Variants in EXOC5 observed in about 807,000 individuals in gnomAD.
EXOC5 encodes exocyst complex component 5, also known as SEC10-like 1.
EXOC5 carries 17 observed loss-of-function variants against 90.8 expected under a neutral mutation model. The ratio of observed to expected loss-of-function variants is 0.19; its 90% CI spans 0.13 to 0.28. The LOEUF (loss-of-function observed/expected upper bound fraction) is 0.28, where lower values mean the gene tolerates loss of function less well. EXOC5 is among the 10% of genes least tolerant of loss of function. The probability of loss-of-function intolerance (pLI) is 1.00; values close to 1 mark genes in which losing one functional copy is unlikely to be tolerated. For missense variants in EXOC5, 569 were observed against 830.6 expected (o/e 0.69, Z 3.87); for synonymous variants, 260 against 270.0 (o/e 0.96, Z 0.36).
At chr14:57,234,169 T>C in intron 7 of EXOC5, 137 bp from the exon 8 acceptor site, 1 of 611,424 alleles carries the variant, frequency 1.6e-6, no homozygotes, top group Non-Finnish European at 2.9e-6. Context: ...TGGACTTAAA[T>C]AAAATTAACT....
chr14:57,238,410 ATATT>A lies in EXOC5; in HGVS notation c.531-1048_531-1045del, dbSNP rs141275588. Among the ~76,000 whole-genome samples, 1,046 of 145,926 alleles carry A rather than the reference ATATT, an allele frequency of 7.2e-3. 14 individuals are homozygous for A. Among genetic ancestry groups the A allele is most frequent in the African/African-American group, 0.025 (999 of 39,274 alleles). On this transcript the variant is annotated intron_variant, in intron 5 of 17. Coordinates refer to ENST00000621441, the MANE Select transcript of EXOC5 (RefSeq NM_006544.4). Reference sequence around the variant, plus strand: ...CACACACACACACACACACACACACATATTCATATTCATATATATATGTATATAT... The same window carrying A: ...CACACACACACACACACACACACACACATATTCATATATATATGTATATAT...
intron 6 of EXOC5, among the ~76,000 whole-genome samples, chr14:57,236,587 T>C (rs1042253446): frequency 6.6e-6 from 1 of 152,114 alleles, no homozygotes; most frequent in East Asian, 1.9e-4. Context: ...TGTCCGGCCC[T>C]ATTCACTATA....
chr14:57,268,721 C>A lies in EXOC5; in HGVS notation c.-73G>T, dbSNP rs2139680055. 4 of 1,531,412 alleles carry A rather than the reference C, an allele frequency of 2.6e-6. No homozygotes were observed. The highest frequency in any genetic ancestry group is 1.4e-5 in the African/African-American group (1 of 72,358). 94.9% of individuals were successfully genotyped at this position (1,531,412 alleles called of 1,614,324 possible). ...CACATGCTGCGCCTCAGAGGCGCGG[C>A]GCACAGGTCTCCGCTCGGCTCGCCA... is the stretch of plus-strand genomic sequence containing the variant. On this transcript the variant is annotated 5_prime_UTR_variant, in exon 1 of 18. Coordinates refer to ENST00000621441, the MANE Select transcript of EXOC5 (RefSeq NM_006544.4).
chr14:57,239,832 T>C (rs148278475), intron 4 of EXOC5, among the ~76,000 whole-genome samples, 173 bp from the exon 5 acceptor site: 146 of 152,262 alleles, frequency 9.6e-4, no homozygotes, highest in African/African-American at 3.3e-3. Flanking sequence ...AAGAATACAT[T>C]TGGGGTGTTA....
intron 1 of EXOC5, 91 bp downstream of exon 1, chr14:57,268,531 G>C (rs1396217209): frequency 1.3e-6 from 2 of 1,539,680 alleles, no homozygotes; most frequent in African/African-American, 2.8e-5. Context: ...GCTCCTCCTG[G>C]GCAGCCAGCA....
intron 17 of EXOC5, among the ~76,000 whole-genome samples, chr14:57,209,268 T>G (rs1408295388): frequency 6.6e-6 from 1 of 152,010 alleles, no homozygotes; most frequent in Admixed American, 6.6e-5. Flanking sequence ...GGCTCATTCC[T>G]GTAAACCCAG....
At chr14:57,232,870 C>CA in intron 9 of EXOC5, 121 bp from the exon 10 acceptor site, 1 of 526,092 alleles carries the variant, frequency 1.9e-6, no homozygotes, top group East Asian at 3.2e-5. Context: ...ACAATCCAAT[C>CA]AAAAAGGCAA....
At chr14:57,212,034 AT>A (rs1299443030) in intron 15 of EXOC5, among the ~76,000 whole-genome samples, 1 of 152,054 alleles carries the variant, frequency 6.6e-6, no homozygotes, top group East Asian at 1.9e-4. Flanking sequence ...TAATTCTTAA[AT>A]TTTTTGTGTG....
At chr14:57,230,242 T>C (rs1047306698) in intron 11 of EXOC5, among the ~76,000 whole-genome samples, 10 of 152,180 alleles carry the variant, frequency 6.6e-5, no homozygotes, top group African/African-American at 2.4e-4. Context: ...TTTAAAAGTT[T>C]AACAATTTTA....
chr14:57,212,241 A>C (rs1462175859), intron 15 of EXOC5, among the ~76,000 whole-genome samples: 2 of 152,206 alleles, frequency 1.3e-5, no homozygotes, highest in Non-Finnish European at 2.9e-5. Context: ...TCACATTGGG[A>C]AAGAGTATGA....
rs559445597 is a variant in EXOC5, at chr14:57,254,606, AT to A, written c.28-6895del. Among the ~76,000 whole-genome samples, 221 of 152,310 alleles carry A rather than the reference AT, an allele frequency of 1.5e-3. 1 individual carries two copies. Among genetic ancestry groups the A allele is most frequent in the Non-Finnish European group, 3.4e-4 (23 of 68,014 alleles). Reference sequence around the variant, plus strand: ...TCTGGAGTAGAGAGGCATATGGACTATACAATGAAAGAACTGTCCTCCCAAA... The same window carrying A: ...TCTGGAGTAGAGAGGCATATGGACTAACAATGAAAGAACTGTCCTCCCAAA... On this transcript the variant is annotated intron_variant, in intron 1 of 17. Transcript: ENST00000621441.
chr14:57,246,684 A>G (rs1181620498), intron 3 of EXOC5, 27 bp downstream of exon 3: 12 of 1,588,180 alleles, frequency 7.6e-6, no homozygotes, highest in Non-Finnish European at 1.0e-5. Context: ...CCTATATAAA[A>G]TACCCATTTC....
At chr14:57,230,624 G>A (rs1413933021) in intron 11 of EXOC5, among the ~76,000 whole-genome samples, 1 of 152,256 alleles carries the variant, frequency 6.6e-6, no homozygotes, top group Non-Finnish European at 1.5e-5. Context: ...TGGACTTTGA[G>A]TCCACCAATG....
chr14:57,265,268 GAAT>G (rs1217061312), intron 1 of EXOC5, among the ~76,000 whole-genome samples: 2 of 151,840 alleles, frequency 1.3e-5, no homozygotes, highest in African/African-American at 4.8e-5. Flanking sequence ...TAGAATGAAT[GAAT>G]AATTAACCCT....
chr14:57,237,674 T>G, intron 5 of EXOC5: 1 of 239,028 alleles, frequency 4.2e-6, no homozygotes, highest in East Asian at 1.0e-4. Flanking sequence ...AAGAATCAAC[T>G]GCTCTGCATA....
intron 1 of EXOC5, among the ~76,000 whole-genome samples, chr14:57,251,077 C>T (rs1352633690): frequency 6.6e-6 from 1 of 152,186 alleles, no homozygotes; most frequent in Admixed American, 6.5e-5. Flanking sequence ...CAGAATCTTT[C>T]TATTTTGGAA....
In EXOC5 at chr14:57,218,044, G is replaced by A. The variant is rs371501342; in HGVS notation, c.1551C>T (p.Cys517=). The A allele has an allele frequency of 7.2e-6, 11 of 1,525,354 alleles. No individual in the cohort carries two copies. Among genetic ancestry groups the A allele is most frequent in the Non-Finnish European group, 8.2e-6 (9 of 1,101,426 alleles). 94.5% of individuals were successfully genotyped at this position (1,525,354 alleles called of 1,614,324 possible). Residue 517 remains cysteine, a synonymous_variant, in exon 15 of 18, where the codon TGC becomes TGT. Transcript: ENST00000621441. Reference sequence around the variant, plus strand: ...CAATTATTTCTTTTTTCTTCTGAAGGCATTCAGATAACTTAGGAGAAGAGC... The same window carrying A: ...CAATTATTTCTTTTTTCTTCTGAAGACATTCAGATAACTTAGGAGAAGAGC... ...LISSSPKLSE[C]LQKKKEIIEQ...
chr14:57,246,060 G>C (rs888958018), intron 3 of EXOC5, among the ~76,000 whole-genome samples: 1 of 151,592 alleles, frequency 6.6e-6, no homozygotes, highest in African/African-American at 2.4e-5. Flanking sequence ...AAAAAAAAAA[G>C]GGGGGAATCA....
chr14:57,213,947 G>GCAAC (rs1276772767), intron 15 of EXOC5, among the ~76,000 whole-genome samples: 2 of 129,606 alleles, frequency 1.5e-5, no homozygotes, highest in African/African-American at 1.0e-4. Flanking sequence ...TCCAGCCTGG[G>GCAAC]AGACAGTGAG....
Sources: allele counts gnomAD v4.1 joint callset (sites outside exome capture counted in the v4.1 genomes callset), GRCh38; gene constraint gnomAD v4.1.1; transcripts MANE v1.5; gene names NCBI Gene and HGNC (gene_info 2026-07-23, HGNC 2026-07-21).